The following BMP3 variants were observed in gnomAD, a reference collection of about 807,000 sequenced individuals.
BMP3 encodes the protein bone morphogenetic protein 3 (osteogenic).
A neutral mutation model predicts 38.1 loss-of-function variants in BMP3; 23 were observed. The ratio of observed to expected loss-of-function variants is 0.60; its 90% CI spans 0.43 to 0.86. The LOEUF (loss-of-function observed/expected upper bound fraction) is 0.86. Among genes scored for constraint, BMP3 ranks in the 40% least tolerant of loss-of-function variants. The pLI, the probability that BMP3 is intolerant of heterozygous loss-of-function variation, is 0.00. For missense variants in BMP3, 628 were observed against 579.6 expected, an observed-to-expected ratio of 1.08 and a Z score of -0.86; for synonymous variants, 258 against 225.7, an observed-to-expected ratio of 1.14 and a Z score of -1.28.
At chr4:81,035,919 A>G (rs1188494123) in intron 1 of BMP3, among the ~76,000 whole-genome samples, 2 of 152,086 alleles carry the variant, frequency 1.3e-5, no homozygotes, top group East Asian at 1.9e-4. Flanking sequence ...CTAGTTGGGA[A>G]AACAGTGGTT....
rs1740551717 is a variant in BMP3, at chr4:81,056,135, A to G, written c.*2599A>G. On this transcript the variant is annotated 3_prime_UTR_variant, in exon 3 of 3. Coordinates refer to ENST00000282701, the MANE Select transcript of BMP3 (RefSeq NM_001201.5). Reference sequence around the variant, plus strand: ...CAAATTGTTAGGTACTAGTTTCTGTATAATTCCTACACAGAAGCTTTAGAA... The same window carrying G: ...CAAATTGTTAGGTACTAGTTTCTGTGTAATTCCTACACAGAAGCTTTAGAA... The G allele has an allele frequency of 2.0e-5, 3 of 152,174 alleles. No homozygotes were observed. In the South Asian group the frequency reaches 6.2e-4, roughly 31 times the overall value. 9.4% of individuals were successfully genotyped at this position (152,174 alleles called of 1,614,324 possible).
Position 81,054,389 on chromosome 4 carries a change from G to A in BMP3, c.*853G>A, listed in dbSNP as rs1217807659. The A allele has an allele frequency of 2.0e-5, 3 of 152,350 alleles. No homozygotes were observed. In the East Asian group the frequency reaches 5.8e-4, roughly 29 times the overall value. 9.4% of individuals were successfully genotyped at this position (152,350 alleles called of 1,614,324 possible). A position where few individuals can be genotyped will look rare whatever the true frequency, so the allele number is the denominator to read the frequency against. The stretch of plus-strand genomic sequence containing the variant: ...AAAACACAAGTGTAATTCCTCTTTT[G>A]TACTTCTTTTTCACAAATGCTTTTA... On this transcript the variant is annotated 3_prime_UTR_variant, in exon 3 of 3. Transcript: ENST00000282701.
chr4:81,047,947 G>GA (rs3042535), intron 2 of BMP3, among the ~76,000 whole-genome samples: 990 of 91,528 alleles, frequency 0.011, 15 homozygotes, highest in African/African-American at 0.035. Context: ...ACTCTGAAGA[G>GA]AAAAAAAAAA....
At chr4:81,048,975 TG>T (rs1344814365) in intron 2 of BMP3, among the ~76,000 whole-genome samples, 4 of 152,356 alleles carry the variant, frequency 2.6e-5, no homozygotes, top group South Asian at 2.1e-4. Flanking sequence ...ACTTGAATCT[TG>T]ATTCTACCAC....
At chr4:81,051,636 C>A (rs1225034793) in intron 2 of BMP3, among the ~76,000 whole-genome samples, 1 of 152,120 alleles carries the variant, frequency 6.6e-6, no homozygotes, top group Non-Finnish European at 1.5e-5. Flanking sequence ...CAATAACAAG[C>A]AATGGCTACT....
chr4:81,031,232 C>T lies in BMP3; in HGVS notation c.-53C>T, dbSNP rs1297900580. The stretch of plus-strand genomic sequence containing the variant: ...CTCCGCCGCCGGCTCCTTGCGCCTT[C>T]GGAGTGTCCCGCAGCGACGCCGGGA... On this transcript the variant is annotated 5_prime_UTR_variant, in exon 1 of 3. Coordinates refer to ENST00000282701, the MANE Select transcript of BMP3 (RefSeq NM_001201.5). 2 of 1,496,696 alleles carry T rather than the reference C, an allele frequency of 1.3e-6. No individual in the cohort carries two copies. Among genetic ancestry groups the T allele is most frequent in the African/African-American group, 2.8e-5 (2 of 71,634 alleles). The allele number at this position is 1,496,696 out of a possible 1,614,324, so 92.7% of individuals were successfully genotyped here. A position where few individuals can be genotyped will look rare whatever the true frequency, so the allele number is the denominator to read the frequency against.
chr4:81,045,395 A>C, intron 1 of BMP3, among the ~76,000 whole-genome samples: 1 of 152,036 alleles, frequency 6.6e-6, no homozygotes, highest in East Asian at 1.9e-4. Context: ...ATTTTATCTT[A>C]TTATGGAAGT....
chr4:81,037,831 G>T (rs552371606), intron 1 of BMP3, among the ~76,000 whole-genome samples: 31 of 152,172 alleles, frequency 2.0e-4, no homozygotes, highest in Non-Finnish European at 3.4e-4. Flanking sequence ...TTTTTAGAGA[G>T]ATTTCTTGAA....
chr4:81,044,965 G>A (rs931707241), intron 1 of BMP3, among the ~76,000 whole-genome samples: 2 of 152,062 alleles, frequency 1.3e-5, no homozygotes, highest in African/African-American at 4.8e-5. Flanking sequence ...CAATTCTTTG[G>A]CGTGTATACA....
intron 1 of BMP3, among the ~76,000 whole-genome samples, chr4:81,045,500 A>G (rs1740204772): frequency 6.6e-6 from 1 of 152,144 alleles, no homozygotes; most frequent in Non-Finnish European, 1.5e-5. Flanking sequence ...GATTTTATTG[A>G]TGTATCTACT....
Position 81,050,388 on chromosome 4 carries a change from C to T in BMP3, c.1228-2957C>T, listed in dbSNP as rs560158342. 4.6e-5 allele frequency among the ~76,000 whole-genome samples: 7 copies of T among 152,270 alleles called. No homozygotes were observed. In the South Asian group the frequency reaches 1.2e-3, roughly 27 times the overall value. ...ATTCTGCCATGAGATGAAAAATACC[C>T]ATACAGTTAATGCCAAGTTCTATAC... On this transcript the variant is annotated intron_variant, in intron 2 of 2. Coordinates refer to ENST00000282701, the MANE Select transcript of BMP3 (RefSeq NM_001201.5).
intron 2 of BMP3, among the ~76,000 whole-genome samples, chr4:81,048,577 T>C (rs922017443): frequency 1.3e-5 from 2 of 152,188 alleles, no homozygotes; most frequent in Non-Finnish European, 2.9e-5. Context: ...TTCCAATTTG[T>C]CCCTCTCATT....
intron 1 of BMP3, among the ~76,000 whole-genome samples, chr4:81,039,398 G>T (rs1396069053): frequency 6.6e-6 from 1 of 152,124 alleles, no homozygotes; most frequent in Admixed American, 6.5e-5. Context: ...GCTTTCCATT[G>T]TATGTTCTAA....
rs968242683 is a variant in BMP3 at position 81,057,426 on chromosome 4, G to A, written c.*3890G>A. On this transcript the variant is annotated 3_prime_UTR_variant, in exon 3 of 3. Transcript: ENST00000282701. ...GGGTATATTGCAGTGAAACTGTGAA[G>A]GATACTTCACTACCAATGTATAAGC... The A allele has an allele frequency of 2.6e-5, 4 of 152,014 alleles. No individual in the cohort carries two copies. Among genetic ancestry groups the A allele is most frequent in the Non-Finnish European group, 5.9e-5 (4 of 67,966 alleles). 9.4% of individuals were successfully genotyped at this position (152,014 alleles called of 1,614,324 possible).
Position 81,031,526 on chromosome 4 carries a change from G to T in BMP3, c.242G>T (p.Gly81Val). ...QAARTPGSLE[G>V]GSQPWRPRLL... ...GCCCGGACACCGGGCTCCCTGGAGG[G>T]AGGCTCGCAGCCCTGGCGCCCTCGG... is the stretch of plus-strand genomic sequence containing the variant. The change falls in exon 1 of 3, where the codon GGA becomes GTA. Residue 81 changes from glycine to valine, a missense_variant. Coordinates refer to ENST00000282701, the MANE Select transcript of BMP3 (RefSeq NM_001201.5). 6.2e-7 allele frequency: 1 copy of T among 1,612,012 alleles called. No homozygotes were observed. Among genetic ancestry groups the T allele is most frequent in the African/African-American group, 1.3e-5 (1 of 74,976 alleles).
At chr4:81,035,999 C>T (rs184445991) in intron 1 of BMP3, among the ~76,000 whole-genome samples, 1 of 152,022 alleles carries the variant, frequency 6.6e-6, no homozygotes, top group African/African-American at 2.4e-5. Flanking sequence ...TATATTATTA[C>T]ATTTTGGACT....
chr4:81,046,907 A>T (rs1740268032), intron 2 of BMP3, among the ~76,000 whole-genome samples: 1 of 152,222 alleles, frequency 6.6e-6, no homozygotes, highest in African/African-American at 2.4e-5. Flanking sequence ...TGTGTGAAAC[A>T]TACTTGTTGT....
chr4:81,034,685 C>G (rs1739873367), intron 1 of BMP3, among the ~76,000 whole-genome samples: 1 of 152,082 alleles, frequency 6.6e-6, no homozygotes, highest in South Asian at 2.1e-4. Context: ...TCACATACTT[C>G]ATAGATTTAA....
chr4:81,050,466 A>G (rs1740375127), intron 2 of BMP3, among the ~76,000 whole-genome samples: 1 of 152,178 alleles, frequency 6.6e-6, no homozygotes. Context: ...ATTTCAAATG[A>G]AAGTGATTGA....
Sources: gnomAD v4.1 joint callset for allele counts (sites outside exome capture counted in the v4.1 genomes callset) on GRCh38, gnomAD v4.1.1 for gene constraint, MANE v1.5 for transcripts, NCBI Gene and HGNC (gene_info 2026-07-23, HGNC 2026-07-21) for gene names.